LRRC8A: variants seen among roughly 807,000 people sequenced by gnomAD.
LRRC8A encodes volume-regulated anion channel subunit LRRC8A.
LRRC8A carries 24 observed loss-of-function variants against 52.5 expected under a neutral mutation model. That is an observed-to-expected ratio of 0.46 (90% CI 0.33 to 0.64). The LOEUF (loss-of-function observed/expected upper bound fraction) is 0.64. Ranked by LOEUF, LRRC8A falls within the 30% of genes least tolerant of loss-of-function variation. The pLI, the probability that LRRC8A is intolerant of heterozygous loss-of-function variation, is 0.02. For synonymous variants in LRRC8A, 492 were observed against 494.2 expected (o/e 1.00, Z 0.06); for missense variants, 677 against 1,094.7 (o/e 0.62, Z 5.38).
At chr9:128,890,602 G>T (rs1330781695) in intron 2 of LRRC8A, among the ~76,000 whole-genome samples, 1 of 152,152 alleles carries the variant, frequency 6.6e-6, no homozygotes, top group South Asian at 2.1e-4. Flanking sequence ...GATCCCTGGG[G>T]GTAGCCCCCT....
At chr9:128,889,256 C>G (rs1350873537) in intron 2 of LRRC8A, among the ~76,000 whole-genome samples, 6 of 152,150 alleles carry the variant, frequency 3.9e-5, no homozygotes, top group Non-Finnish European at 8.8e-5. Context: ...CTGGGCCCAC[C>G]ACCACAGACC....
In LRRC8A at chr9:128,888,044, G is replaced by A. The variant is rs369007095; in HGVS notation, c.-9+1923G>A. Among the ~76,000 whole-genome samples, 4 of 152,148 alleles carry A rather than the reference G, an allele frequency of 2.6e-5. No homozygotes were observed. The East Asian group carries it at 7.7e-4, about 29-fold the overall frequency. ...CTGGCCCCTCCCCCTCACATGCTGGGAGTTTTGAGCTGTTTGGGCATTTAC... is the reference window on the plus strand; with the variant it reads ...CTGGCCCCTCCCCCTCACATGCTGGAAGTTTTGAGCTGTTTGGGCATTTAC... On this transcript the variant is annotated intron_variant, in intron 2 of 3. Transcript: ENST00000372600.
At chr9:128,893,349 G>A (rs575728630) in intron 2 of LRRC8A, among the ~76,000 whole-genome samples, 3 of 152,342 alleles carry the variant, frequency 2.0e-5, no homozygotes, top group South Asian at 2.1e-4. Flanking sequence ...ACCGTGGAAC[G>A]ACAGCCTGAG....
At position 128,907,282 on chromosome 9, in the gene LRRC8A, G is replaced by A. The variant is rs1307828883; in HGVS notation, c.118G>A (p.Val40Ile). 6 of 1,613,940 alleles carry A rather than the reference G, an allele frequency of 3.7e-6. No individual in the cohort carries two copies. Among genetic ancestry groups the A allele is most frequent in the South Asian group, 1.1e-5 (1 of 91,092 alleles). The change falls in exon 3 of 4, where the codon GTC (valine) becomes ATC (isoleucine). Residue 40 changes from valine to isoleucine, a missense_variant. This residue lies in a region of LRRC8A where 32 missense variants were observed against 86.0 expected (regional missense o/e 0.37). Transcript: ENST00000372600. The surrounding 1 kb of genome is among the most constrained non-coding windows in gnomAD (Gnocchi z 9.3). ...CTCTATCGTCATGCTGATGATTGCC[G>A]TCTTCGGGGGGACGCTGCAGGTCAC... ...YISIVMLMIA[V>I]FGGTLQVTQD... is the part of the protein sequence containing the mutation.
At chr9:128,910,463 TG>T (rs1263653438) in intron 3 of LRRC8A, among the ~76,000 whole-genome samples, 9 of 152,110 alleles carry the variant, frequency 5.9e-5, no homozygotes, top group Admixed American at 1.3e-4. Flanking sequence ...GAAGCCAAGG[TG>T]GGGCGGTCAC....
chr9:128,909,130 A>T lies in LRRC8A; in HGVS notation c.1966A>T (p.Ile656Phe). Residue 656 changes from isoleucine (I) to phenylalanine (F), a missense_variant, in exon 3 of 4, where the codon ATC becomes TTC. Physicochemically the swap from Ile to Phe is conservative, Grantham distance 21 (BLOSUM62 0). Transcript: ENST00000372600. ...GTACAACCACATCGCCTACATCCCC[A>T]TCCAGATCGGCAACCTCACCAACCT... is the stretch of plus-strand genomic sequence containing the variant. ...LWYNHIAYIP[I>F]QIGNLTNLER... 1 of 1,613,998 alleles carries T rather than the reference A, an allele frequency of 6.2e-7. No individual in the cohort carries two copies. The highest frequency in any genetic ancestry group is 1.1e-5 in the South Asian group (1 of 91,070).
chr9:128,896,683 G>C (rs1353744165), intron 2 of LRRC8A, among the ~76,000 whole-genome samples: 1 of 151,982 alleles, frequency 6.6e-6, no homozygotes, highest in Non-Finnish European at 1.5e-5. Flanking sequence ...CAGGATTTCT[G>C]TATTTATTCT....
At chr9:128,898,259 C>T (rs776519720) in intron 2 of LRRC8A, among the ~76,000 whole-genome samples, 8 of 151,882 alleles carry the variant, frequency 5.3e-5, no homozygotes, top group South Asian at 2.1e-4. Context: ...CTTGCTCTGT[C>T]GCCCAGGCTG....
chr9:128,904,820 C>T (rs1298499869), intron 2 of LRRC8A, among the ~76,000 whole-genome samples: 1 of 151,812 alleles, frequency 6.6e-6, no homozygotes, highest in Non-Finnish European at 1.5e-5. Flanking sequence ...CGGTGAAACC[C>T]CGTCTCTACT....
chr9:128,885,308 G>T (rs1839348952), intron 1 of LRRC8A: 1 of 152,198 alleles, frequency 6.6e-6, no homozygotes, highest in Admixed American at 6.6e-5. Flanking sequence ...CTCATCTCTT[G>T]CCACTTCCCC....
intron 2 of LRRC8A, among the ~76,000 whole-genome samples, chr9:128,906,242 C>T (rs1840243032): frequency 6.6e-6 from 1 of 151,998 alleles, no homozygotes; most frequent in Non-Finnish European, 1.5e-5. Context: ...GATCCTCCCA[C>T]TTCATCCTCC....
intron 2 of LRRC8A, among the ~76,000 whole-genome samples, chr9:128,894,790 CTCA>C (rs1396763120): frequency 2.0e-4 from 4 of 19,666 alleles, no homozygotes; most frequent in African/African-American, 8.3e-4. Flanking sequence ...GAGACTCTAC[CTCA>C]AAAAAAAAAA....
chr9:128,905,798 G>A (rs538572615), intron 2 of LRRC8A, among the ~76,000 whole-genome samples: 2 of 152,040 alleles, frequency 1.3e-5, no homozygotes, highest in South Asian at 4.2e-4. Context: ...GAGCCGAAAT[G>A]ATGCCACTGC....
chr9:128,893,525 C>T (rs933827549), intron 2 of LRRC8A, among the ~76,000 whole-genome samples: 6 of 152,190 alleles, frequency 3.9e-5, no homozygotes, highest in South Asian at 2.1e-4. Flanking sequence ...TTTGAGTTGC[C>T]CAACTCTGGG....
At chr9:128,909,436 A>G in intron 3 of LRRC8A, 115 bp downstream of exon 3, 1 of 997,884 alleles carries the variant, frequency 1.0e-6, no homozygotes, top group Non-Finnish European at 1.5e-6. Flanking sequence ...CTGAGTGTGG[A>G]GTCCTCACCT....
In LRRC8A at chr9:128,897,674, A is replaced by T. The variant is rs542572729; in HGVS notation, c.-8-9483A>T. 3.9e-5 allele frequency among the ~76,000 whole-genome samples: 6 copies of T among 151,982 alleles called. No homozygotes were observed. In the East Asian group the frequency reaches 1.2e-3, roughly 29 times the overall value. On this transcript the variant is annotated intron_variant, in intron 2 of 3. Coordinates refer to ENST00000372600, the MANE Select transcript of LRRC8A (RefSeq NM_019594.4). ...ATTGTCCTGCCTCAGCCTTCCAAGT[A>T]GCTGGGATTACAGGTGCCCTGCAGC...
Position 128,892,051 on chromosome 9 carries a change from T to C in LRRC8A, c.-9+5930T>C, listed in dbSNP as rs915606361. Among the ~76,000 whole-genome samples, 1 of 152,242 alleles carries C rather than the reference T, an allele frequency of 6.6e-6. No individual in the cohort carries two copies. The highest frequency in any genetic ancestry group is 1.5e-5 in the Non-Finnish European group (1 of 68,040). ...AAAAGCTTTATATGGACTGTCTCCT[T>C]CTGTCCTCATCACAGCCCTCCAAGC... On this transcript the variant is annotated intron_variant, in intron 2 of 3. Coordinates refer to ENST00000372600, the MANE Select transcript of LRRC8A (RefSeq NM_019594.4). This position sits in a 1 kb window ranked among gnomAD's most constrained non-coding sequence, Gnocchi z 5.2.
rs868480785 is a variant in LRRC8A at position 128,885,137 on chromosome 9, A to T, written c.-115-878A>T. The stretch of plus-strand genomic sequence containing the variant: ...TGTCGTAGTGATCACAGCTTTCCCT[A>T]CCCTGCCACTCCCATGCACAGTTCT... On this transcript the variant is annotated intron_variant, in intron 1 of 3. Coordinates refer to ENST00000372600, the MANE Select transcript of LRRC8A (RefSeq NM_019594.4). 6 of 151,222 alleles carry T rather than the reference A, an allele frequency of 4.0e-5. No homozygotes were observed. In the East Asian group the frequency reaches 1.2e-3, roughly 29 times the overall value. The allele number at this position is 151,222 out of a possible 1,614,324, so 9.4% of individuals were successfully genotyped here.
At chr9:128,882,564 C>A (rs1354753093) in intron 1 of LRRC8A, 2 of 396,188 alleles carry the variant, frequency 5.0e-6, no homozygotes, top group Non-Finnish European at 8.9e-6. Flanking sequence ...TCCCCTGGGT[C>A]CCCCCAGATC....
Sources: gnomAD v4.1 joint callset for allele counts (sites outside exome capture counted in the v4.1 genomes callset) on GRCh38, gnomAD v4.1.1 for gene constraint, gnomAD v4.1.1 regional missense constraint, Gnocchi (gnomAD v3.1) non-coding constraint, MANE v1.5 for transcripts, NCBI Gene and HGNC (gene_info 2026-07-23, HGNC 2026-07-21) for gene names.